Variants in APAF1 observed in about 807,000 individuals in gnomAD.
APAF1 encodes the protein apoptotic protease-activating factor 1.
APAF1 carries 91 observed loss-of-function variants against 152.4 expected under a neutral mutation model. The observed-to-expected ratio is 0.60, with a 90% CI of 0.50 to 0.71. The LOEUF (loss-of-function observed/expected upper bound fraction) is 0.71, where lower values mean the gene tolerates loss of function less well. Among genes scored for constraint, APAF1 ranks in the 30% least tolerant of loss-of-function variants. The pLI, the probability that APAF1 is intolerant of heterozygous loss-of-function variation, is 0.00. For synonymous variants in APAF1, 484 were observed against 494.1 expected (o/e 0.98, Z 0.27); for missense variants, 1,283 against 1,472.0 (o/e 0.87, Z 2.10).
chr12:98,680,852 A>C (rs1022158294), intron 14 of APAF1, among the ~76,000 whole-genome samples: 2 of 152,246 alleles, frequency 1.3e-5, no homozygotes, highest in African/African-American at 4.8e-5. Flanking sequence ...GTTAAATATC[A>C]GTTGAAATCT....
intron 26 of APAF1, among the ~76,000 whole-genome samples, chr12:98,731,604 G>A (rs1001718486): frequency 6.6e-6 from 1 of 152,178 alleles, no homozygotes; most frequent in African/African-American, 2.4e-5. Flanking sequence ...ACTCACATGG[G>A]AAAGACAAAA....
At chr12:98,650,226 G>A (rs1348087961) in intron 4 of APAF1, among the ~76,000 whole-genome samples, 1 of 151,996 alleles carries the variant, frequency 6.6e-6, no homozygotes, top group African/African-American at 2.4e-5. Flanking sequence ...GCCAGGCACG[G>A]TGGCTCATGC....
chr12:98,707,080 G>A (rs906886157), intron 19 of APAF1, among the ~76,000 whole-genome samples: 3 of 152,030 alleles, frequency 2.0e-5, no homozygotes, highest in Non-Finnish European at 2.9e-5. Context: ...TTTTCTGCAT[G>A]CAGCTTCTAA....
chr12:98,681,108 C>T (rs1174937857), intron 14 of APAF1, among the ~76,000 whole-genome samples: 1 of 152,190 alleles, frequency 6.6e-6, no homozygotes, highest in Non-Finnish European at 1.5e-5. Flanking sequence ...GACACCCAGA[C>T]TGGAGTGCAG....
intron 16 of APAF1, among the ~76,000 whole-genome samples, chr12:98,698,172 G>C (rs1183611198): frequency 6.6e-6 from 1 of 152,116 alleles, no homozygotes; most frequent in African/African-American, 2.4e-5. Context: ...TAAAATTCAG[G>C]CAATAGTTGC....
At chr12:98,702,600 G>A (rs921400395) in intron 17 of APAF1, among the ~76,000 whole-genome samples, 1 of 151,856 alleles carries the variant, frequency 6.6e-6, no homozygotes, top group African/African-American at 2.4e-5. Context: ...CAAGGTGGGC[G>A]GATCACCTGA....
chr12:98,679,191 G>A (rs1228613152), intron 13 of APAF1, among the ~76,000 whole-genome samples: 2 of 152,216 alleles, frequency 1.3e-5, no homozygotes, highest in Non-Finnish European at 2.9e-5. Flanking sequence ...GGCTTAGCCA[G>A]TGCTGAGCAG....
At chr12:98,681,395 T>A (rs1216237603) in intron 14 of APAF1, among the ~76,000 whole-genome samples, 1 of 152,204 alleles carries the variant, frequency 6.6e-6, no homozygotes. Flanking sequence ...AAGTATTCTC[T>A]TGTTCCTAAA....
intron 17 of APAF1, among the ~76,000 whole-genome samples, chr12:98,701,142 A>G (rs999727440): frequency 6.6e-6 from 1 of 152,208 alleles, no homozygotes; most frequent in Non-Finnish European, 1.5e-5. Context: ...TGTCAAGTAT[A>G]TATTTATGTA....
intron 1 of APAF1, among the ~76,000 whole-genome samples, chr12:98,647,175 G>A (rs1422842076): frequency 6.6e-6 from 1 of 151,482 alleles, no homozygotes; most frequent in Non-Finnish European, 1.5e-5. Flanking sequence ...CAGCACTTTC[G>A]GAGGCTGTGG....
At chr12:98,685,476 C>T (rs2097697004) in intron 15 of APAF1, among the ~76,000 whole-genome samples, 2 of 151,916 alleles carry the variant, frequency 1.3e-5, no homozygotes, top group South Asian at 4.2e-4. Context: ...GCTGGGACTA[C>T]AGGTGCCGTG....
intron 19 of APAF1, 75 bp downstream of exon 19, chr12:98,706,685 T>C (rs2097721732): frequency 1.3e-6 from 2 of 1,549,474 alleles, no homozygotes; most frequent in Middle Eastern, 1.7e-4. Context: ...AAGAAATTGA[T>C]GGGTAGCACT....
At chr12:98,663,569 G>A (rs2097668251) in intron 7 of APAF1, among the ~76,000 whole-genome samples, 1 of 151,662 alleles carries the variant, frequency 6.6e-6, no homozygotes, top group African/African-American at 2.4e-5. Flanking sequence ...ACATATAGAA[G>A]CTTAAAATTT....
chr12:98,703,274 A>G (rs1177874119), intron 17 of APAF1, 97 bp from the exon 18 acceptor site: 1 of 1,377,354 alleles, frequency 7.3e-7, no homozygotes, highest in East Asian at 2.3e-5. Context: ...TAATTGTCAT[A>G]TTTTTTTCAG....
intron 16 of APAF1, among the ~76,000 whole-genome samples, chr12:98,694,987 A>C (rs958181817): frequency 6.8e-6 from 1 of 147,158 alleles, no homozygotes; most frequent in East Asian, 2.0e-4. Flanking sequence ...AAGTCTTTAT[A>C]TCTTTTGTCT....
chr12:98,683,076 GC>G (rs2097694161), intron 14 of APAF1, 66 bp from the exon 15 acceptor site: 2 of 1,293,016 alleles, frequency 1.5e-6, no homozygotes, highest in East Asian at 4.9e-5. Flanking sequence ...AATGGACATT[GC>G]TTTGCCCCTC....
intron 24 of APAF1, among the ~76,000 whole-genome samples, chr12:98,723,969 T>C (rs1009474083): frequency 2.0e-5 from 3 of 152,264 alleles, no homozygotes; most frequent in African/African-American, 7.2e-5. Context: ...TTCTCCCTTA[T>C]GGATTACTTT....
At chr12:98,652,861 G>A (rs2097650686) in intron 4 of APAF1, among the ~76,000 whole-genome samples, 1 of 152,076 alleles carries the variant, frequency 6.6e-6, no homozygotes, top group Non-Finnish European at 1.5e-5. Context: ...CCCGACCTCA[G>A]GTGATCCCCC....
At position 98,727,224 on chromosome 12, in the gene APAF1, G is replaced by C. The variant is rs769703045; in HGVS notation, c.3508G>C (p.Glu1170Gln). Residue 1170 changes from glutamate to glutamine, a missense_variant, in exon 26 of 27, where the codon GAA becomes CAA. By Grantham distance (29) the Glu-to-Gln change is conservative. Coordinates refer to ENST00000551964, the MANE Select transcript of APAF1 (RefSeq NM_181861.2). ...TCTTCATTTGTGTGCTCCGCTTTCA[G>C]AAGAAGGAGCTGCTACCCATGGAGG... Reference protein sequence around the residue: ...ELLHLCAPLSEEGAATHGGWV... With the variant: ...ELLHLCAPLSQEGAATHGGWV... 1 of 1,614,146 alleles carries C rather than the reference G, an allele frequency of 6.2e-7. No individual in the cohort carries two copies. The highest frequency in any genetic ancestry group is 1.1e-5 in the South Asian group (1 of 91,082).
Sources: gnomAD v4.1 joint callset for allele counts (sites outside exome capture counted in the v4.1 genomes callset) on GRCh38, gnomAD v4.1.1 for gene constraint, MANE v1.5 for transcripts, NCBI Gene and HGNC (gene_info 2026-07-23, HGNC 2026-07-21) for gene names.